The following NOX4 variants were observed in gnomAD, a reference collection of about 807,000 sequenced individuals.
The protein encoded by NOX4 is NADPH oxidase 4.
NOX4 carries 69 observed loss-of-function variants against 87.6 expected under a neutral mutation model. The ratio of observed to expected loss-of-function variants is 0.79; its 90% CI spans 0.65 to 0.96. The LOEUF is 0.96. Among genes scored for constraint, NOX4 ranks in the 40% least tolerant of loss-of-function variants. The pLI is 0.00. For missense variants in NOX4, 680 were observed against 681.5 expected (o/e 1.00, Z 0.02); for synonymous variants, 275 against 238.2 (o/e 1.15, Z -1.42).
At chr11:89,410,324 T>C (rs1201229230) in intron 8 of NOX4, among the ~76,000 whole-genome samples, 1 of 152,190 alleles carries the variant, frequency 6.6e-6, no homozygotes, top group Non-Finnish European at 1.5e-5. Context: ...GAGATTATCC[T>C]TTATTGTCAT....
intron 7 of NOX4, among the ~76,000 whole-genome samples, chr11:89,422,262 T>A (rs1943122633): frequency 6.6e-6 from 1 of 151,710 alleles, no homozygotes; most frequent in African/African-American, 2.4e-5. Context: ...TATTATGATA[T>A]AAGGCTAAGA....
intron 11 of NOX4, among the ~76,000 whole-genome samples, chr11:89,381,015 A>T (rs1591068667): frequency 6.6e-6 from 1 of 152,182 alleles, no homozygotes; most frequent in Non-Finnish European, 1.5e-5. Context: ...ATAGCAACAA[A>T]ATGTTGCCAG....
chr11:89,505,499 C>A, the NOX4 span, among the ~76,000 whole-genome samples: 2 of 151,800 alleles, frequency 1.3e-5, no homozygotes, highest in South Asian at 4.2e-4. Context: ...GATATGTAAG[C>A]TGAGACTCAG....
intron 11 of NOX4, among the ~76,000 whole-genome samples, chr11:89,393,136 A>G (rs1941239399): frequency 1.3e-5 from 2 of 152,132 alleles, no homozygotes; most frequent in South Asian, 2.1e-4. Flanking sequence ...ATCTGGCTAC[A>G]TTTGGAGACA....
the NOX4 span, among the ~76,000 whole-genome samples, chr11:89,542,024 T>C: frequency 6.6e-6 from 1 of 151,936 alleles, no homozygotes; most frequent in Non-Finnish European, 1.5e-5. Flanking sequence ...TTTTCCAGGC[T>C]GGTCTCTAAC....
intron 7 of NOX4, among the ~76,000 whole-genome samples, chr11:89,428,171 A>C (rs886131717): frequency 1.3e-5 from 2 of 152,216 alleles, no homozygotes; most frequent in African/African-American, 4.8e-5. Flanking sequence ...GCAAATGCTG[A>C]GAGATTTTGG....
At chr11:89,472,582 G>A (rs943939677) in intron 2 of NOX4, among the ~76,000 whole-genome samples, 1 of 151,886 alleles carries the variant, frequency 6.6e-6, no homozygotes, top group African/African-American at 2.4e-5. Flanking sequence ...TCCATTTTCA[G>A]TGGGAATGTG....
chr11:89,555,935 A>T, the NOX4 span, among the ~76,000 whole-genome samples: 2 of 152,298 alleles, frequency 1.3e-5, no homozygotes, highest in African/African-American at 4.8e-5. Flanking sequence ...AGAATGTTTA[A>T]ACAATGACAT....
chr11:89,389,292 C>T (rs1368133188), intron 11 of NOX4, among the ~76,000 whole-genome samples: 2 of 152,048 alleles, frequency 1.3e-5, no homozygotes, highest in African/African-American at 2.4e-5. Flanking sequence ...CAACCTTTGC[C>T]CTCCTAATAA....
intron 2 of NOX4, among the ~76,000 whole-genome samples, chr11:89,467,409 GT>G (rs1945751829): frequency 1.4e-5 from 2 of 146,040 alleles, no homozygotes; most frequent in Admixed American, 6.8e-5. Flanking sequence ...TATTTTATTA[GT>G]GCAGAGCATC....
the NOX4 span, among the ~76,000 whole-genome samples, chr11:89,547,938 G>T: frequency 4.3e-4 from 65 of 151,934 alleles, no homozygotes; most frequent in Admixed American, 5.9e-4. Flanking sequence ...ATCCCCACAT[G>T]ACAGGAGTTA....
chr11:89,536,048 G>A, the NOX4 span, among the ~76,000 whole-genome samples: 1 of 145,360 alleles, frequency 6.9e-6, no homozygotes. Flanking sequence ...GATCATGTTA[G>A]TTTTTTTATT....
At chr11:89,448,498 T>C (rs374043516) in intron 4 of NOX4, among the ~76,000 whole-genome samples, 191 of 152,312 alleles carry the variant, frequency 1.3e-3, no homozygotes, top group South Asian at 9.5e-3. Context: ...GACATTGGTT[T>C]TTCTACCAAA....
At position 89,342,098 on chromosome 11, in the gene NOX4, A is replaced by T; in HGVS notation, c.1313T>A (p.Phe438Tyr). Residue 438 changes from phenylalanine to tyrosine, a missense_variant, in exon 14 of 18, where the codon TTT (phenylalanine) becomes TAT (tyrosine). Physicochemically the swap from Phe to Tyr is conservative, Grantham distance 22. Transcript: ENST00000263317. ...CAACAGGGTGTTGAGTATTGATGCA[A>T]ATGGAGTTACTCCAATGCCTCCAGC... Reference protein sequence around the residue: ...CVAGGIGVTPFASILNTLLDD... With the variant: ...CVAGGIGVTPYASILNTLLDD... 6.2e-7 allele frequency: 1 copy of T among 1,613,332 alleles called. No individual in the cohort carries two copies. The highest frequency in any genetic ancestry group is 8.5e-7 in the Non-Finnish European group (1 of 1,179,392).
intron 12 of NOX4, among the ~76,000 whole-genome samples, chr11:89,371,139 T>C: frequency 6.6e-6 from 1 of 152,026 alleles, no homozygotes; most frequent in Non-Finnish European, 1.5e-5. Context: ...ATGCTCCTAC[T>C]TTTCCTTCAA....
chr11:89,412,303 C>T (rs909889109), intron 8 of NOX4, among the ~76,000 whole-genome samples: 7 of 152,108 alleles, frequency 4.6e-5, no homozygotes, highest in Non-Finnish European at 8.8e-5. Flanking sequence ...TTAATCTGCA[C>T]TATAGACCAA....
At position 89,427,005 on chromosome 11, in the gene NOX4, G is replaced by C. The variant is rs1943456954; in HGVS notation, c.549-5023C>G. Among the ~76,000 whole-genome samples the C allele has an allele frequency of 2.0e-5, 3 of 152,224 alleles. No individual in the cohort carries two copies. The South Asian group carries it at 6.2e-4, about 32-fold the overall frequency. On this transcript the variant is annotated intron_variant, in intron 7 of 17. Coordinates refer to ENST00000263317, the MANE Select transcript of NOX4 (RefSeq NM_016931.5). Reference sequence around the variant, plus strand: ...GCAGACTGACACCCCACAGGGCCGAGTACCCCTCTGAGACAAAGCTTCCAG... The same window carrying C: ...GCAGACTGACACCCCACAGGGCCGACTACCCCTCTGAGACAAAGCTTCCAG...
intron 6 of NOX4, among the ~76,000 whole-genome samples, chr11:89,437,804 T>C (rs76437647): frequency 0.012 from 1,888 of 152,196 alleles, 37 homozygotes; most frequent in African/African-American, 0.042. Context: ...ATCCATGCGA[T>C]TGGTTCCAGG....
At chr11:89,481,161 T>C (rs1946376247) in intron 2 of NOX4, among the ~76,000 whole-genome samples, 1 of 152,052 alleles carries the variant, frequency 6.6e-6, no homozygotes, top group African/African-American at 2.4e-5. Flanking sequence ...GGTAAATCTC[T>C]GTCCTAGGTG....
Sources: gnomAD v4.1 joint callset for allele counts (sites outside exome capture counted in the v4.1 genomes callset) on GRCh38, gnomAD v4.1.1 for gene constraint, MANE v1.5 for transcripts, NCBI Gene and HGNC (gene_info 2026-07-23, HGNC 2026-07-21) for gene names.